Variants in GLDC observed in about 807,000 individuals in gnomAD.
GLDC encodes the protein glycine decarboxylase.
In GLDC, 104 loss-of-function variants were observed where a neutral mutation model predicts 121.3. The ratio of observed to expected loss-of-function variants is 0.86; its 90% CI spans 0.73 to 1.01. The LOEUF (loss-of-function observed/expected upper bound fraction) is 1.01. GLDC is among the 50% of genes least tolerant of loss of function. GLDC has a pLI of 0.00. For missense variants in GLDC, 1,429 were observed against 1,306.6 expected (o/e 1.09, Z -1.44); for synonymous variants, 546 against 480.6 (o/e 1.14, Z -1.78).
intron 5 of GLDC, chr9:6,606,192 C>T: frequency 4.3e-6 from 1 of 232,940 alleles, no homozygotes. Context: ...ACCTGTAGTC[C>T]CAGCAACTCG....
intron 15 of GLDC, among the ~76,000 whole-genome samples, chr9:6,585,864 G>GTATCTATCTATC (rs1252764646): frequency 2.6e-5 from 3 of 114,748 alleles, no homozygotes; most frequent in African/African-American, 9.0e-5. Flanking sequence ...ATGTATGTAT[G>GTATCTATCTATC]TATGTATCTA....
At chr9:6,588,901 T>G (rs781179653) in intron 12 of GLDC, among the ~76,000 whole-genome samples, 199 bp from the exon 13 acceptor site, 5 of 152,162 alleles carry the variant, frequency 3.3e-5, no homozygotes, top group African/African-American at 4.8e-5. Context: ...AGAAGCTGAC[T>G]GTGGGTATGA....
intron 3 of GLDC, among the ~76,000 whole-genome samples, chr9:6,611,637 A>G (rs1818859854): frequency 1.3e-5 from 2 of 151,912 alleles, no homozygotes; most frequent in East Asian, 3.9e-4. Context: ...CAATGAATGC[A>G]TAGTATTATA....
At chr9:6,555,549 G>T (rs1430908276) in intron 18 of GLDC, among the ~76,000 whole-genome samples, 1 of 151,958 alleles carries the variant, frequency 6.6e-6, no homozygotes, top group South Asian at 2.1e-4. Flanking sequence ...CAGGTGGATT[G>T]CCTGAGCTCA....
intron 15 of GLDC, among the ~76,000 whole-genome samples, chr9:6,575,960 C>T (rs978761095): frequency 2.0e-5 from 3 of 152,248 alleles, no homozygotes; most frequent in South Asian, 2.1e-4. Context: ...GGAAACCCTC[C>T]CCGGGGTTTA....
chr9:6,556,459 A>C (rs370548272), intron 17 of GLDC, among the ~76,000 whole-genome samples, 157 bp from the exon 18 acceptor site: 1 of 152,210 alleles, frequency 6.6e-6, no homozygotes, highest in African/African-American at 2.4e-5. Context: ...ATAAAAAAAA[A>C]CCACAGCCAT....
chr9:6,606,747 A>G, intron 4 of GLDC, 78 bp from the exon 5 acceptor site: 1 of 861,410 alleles, frequency 1.2e-6, no homozygotes, highest in Non-Finnish European at 2.0e-6. Flanking sequence ...AAGCAAACAT[A>G]GTACCGAGGG....
At chr9:6,575,379 G>A (rs1376891202) in intron 15 of GLDC, among the ~76,000 whole-genome samples, 1 of 152,190 alleles carries the variant, frequency 6.6e-6, no homozygotes, top group East Asian at 1.9e-4. Context: ...GGTAAACCTA[G>A]TGGTTTTCAC....
intron 21 of GLDC, among the ~76,000 whole-genome samples, chr9:6,545,409 A>G (rs776591729): frequency 3.9e-5 from 6 of 152,130 alleles, no homozygotes; most frequent in Non-Finnish European, 8.8e-5. Flanking sequence ...GACAGAGCAA[A>G]AATACGACAT....
chr9:6,625,470 T>G (rs1465103689), intron 2 of GLDC, among the ~76,000 whole-genome samples: 1 of 152,230 alleles, frequency 6.6e-6, no homozygotes, highest in Non-Finnish European at 1.5e-5. Flanking sequence ...AAAGGGTTAC[T>G]GAAACCAACA....
intron 2 of GLDC, among the ~76,000 whole-genome samples, chr9:6,622,155 CACAG>C (rs1233898117): frequency 8.7e-4 from 93 of 107,040 alleles, no homozygotes; most frequent in African/African-American, 4.1e-3. Flanking sequence ...ACCACACACA[CACAG>C]ACACACACAC....
In GLDC at chr9:6,532,974, G is replaced by C; in HGVS notation, c.*43C>G. The C allele has an allele frequency of 2.8e-6, 4 of 1,427,810 alleles. No homozygotes were observed. The highest frequency in any genetic ancestry group is 3.0e-6 in the Non-Finnish European group (3 of 1,012,256). 88.4% of individuals were successfully genotyped at this position (1,427,810 alleles called of 1,614,324 possible). ...TCTTTCTTGCTTATCAAATGCTCTG[G>C]GGAGAGGCATCAAATCAGTCCTTTA... is the stretch of plus-strand genomic sequence containing the variant. On this transcript the variant is annotated 3_prime_UTR_variant, in exon 25 of 25. Coordinates refer to ENST00000321612, the MANE Select transcript of GLDC (RefSeq NM_000170.3).
rs1587958061 is a variant in GLDC, at chr9:6,602,206, C to G, written c.1059-1G>C. 1.3e-6 allele frequency: 2 copies of G among 1,591,500 alleles called. No homozygotes were observed. Among genetic ancestry groups the G allele is most frequent in the Non-Finnish European group, 1.7e-6 (2 of 1,160,034 alleles). ...ATACACTTCTTTCCCAGTGGCATCT[C>G]TACACCAAGAATAAGGCATCCAGTT... is the stretch of plus-strand genomic sequence containing the variant. On this transcript the variant is annotated splice_acceptor_variant, in intron 7 of 24. Transcript: ENST00000321612. LOFTEE classifies it high-confidence loss of function.
At chr9:6,565,998 T>C (rs2129760479) in intron 15 of GLDC, 1 of 176,352 alleles carries the variant, frequency 5.7e-6, no homozygotes, top group East Asian at 1.5e-4. Context: ...TCCTAGCACT[T>C]TGGGGGGCCG....
intron 3 of GLDC, among the ~76,000 whole-genome samples, chr9:6,611,361 T>C (rs753609948): frequency 2.0e-5 from 3 of 152,156 alleles, no homozygotes; most frequent in Non-Finnish European, 4.4e-5. Flanking sequence ...ATCGAGACCA[T>C]CCTGGCTAAC....
intron 10 of GLDC, 65 bp from the exon 11 acceptor site, chr9:6,592,288 A>G: frequency 1.0e-6 from 1 of 1,002,746 alleles, no homozygotes; most frequent in Non-Finnish European, 1.6e-6. Context: ...AGGAATCCCA[A>G]GAGAGGTCAA....
intron 20 of GLDC, among the ~76,000 whole-genome samples, chr9:6,552,287 A>C (rs1046357628): frequency 2.0e-5 from 3 of 152,192 alleles, no homozygotes; most frequent in Non-Finnish European, 2.9e-5. Context: ...ATGTAGCCAA[A>C]CCAACCTTGG....
At chr9:6,596,293 G>A (rs1333131534) in intron 8 of GLDC, among the ~76,000 whole-genome samples, 3 of 152,174 alleles carry the variant, frequency 2.0e-5, no homozygotes, top group East Asian at 3.8e-4. Flanking sequence ...CCATAATCAG[G>A]AGGCTATATC....
At chr9:6,640,985 G>A (rs1819619598) in intron 2 of GLDC, among the ~76,000 whole-genome samples, 1 of 152,162 alleles carries the variant, frequency 6.6e-6, no homozygotes, top group African/African-American at 2.4e-5. Flanking sequence ...GCGTGTGGAT[G>A]GGGAATGCAG....
Sources: allele counts gnomAD v4.1 joint callset (sites outside exome capture counted in the v4.1 genomes callset), GRCh38; gene constraint gnomAD v4.1.1; transcripts MANE v1.5; gene names NCBI Gene and HGNC (gene_info 2026-07-23, HGNC 2026-07-21).